SEPTIN5: variants seen among roughly 807,000 people sequenced by gnomAD.
The protein encoded by SEPTIN5 is septin 5, also known as septin-5.
In SEPTIN5, 16 loss-of-function variants were observed where a neutral mutation model predicts 51.2. That is an observed-to-expected ratio of 0.31 (90% CI 0.21 to 0.47). SEPTIN5 has a LOEUF of 0.47. Ranked by LOEUF, SEPTIN5 falls within the 20% of genes least tolerant of loss-of-function variation. SEPTIN5 has a pLI of 0.99. For missense variants in SEPTIN5, 376 were observed against 500.3 expected (o/e 0.75, Z 2.37); for synonymous variants, 208 against 191.2 (o/e 1.09, Z -0.72).
At position 19,714,689 on chromosome 22, in the gene SEPTIN5, C is replaced by T; in HGVS notation, c.43+58C>T. The T allele has an allele frequency of 6.5e-7, 1 of 1,526,816 alleles. No individual in the cohort carries two copies. The highest frequency in any genetic ancestry group is 1.4e-5 in the African/African-American group (1 of 70,992). 94.6% of individuals were successfully genotyped at this position (1,526,816 alleles called of 1,614,324 possible). On this transcript the variant is annotated intron_variant, in intron 1 of 11. Coordinates refer to ENST00000455784, the MANE Select transcript of SEPTIN5 (RefSeq NM_002688.6). This position sits in a 1 kb window ranked among gnomAD's most constrained non-coding sequence, Gnocchi z 5.2. ...CGCCTTTGTCCCCGCCGCCCGCGCG[C>T]CTCTCACCGTGTCTCTCCGTCTCTC...
At chr22:19,718,611 C>G in intron 2 of SEPTIN5, 8 of 1,248,510 alleles carry the variant, frequency 6.4e-6, no homozygotes, top group Non-Finnish European at 8.1e-6. Flanking sequence ...TTCCCGCGTC[C>G]GCAAAACGGG....
Position 19,714,936 on chromosome 22 carries a change from G to A in SEPTIN5, c.54+145G>A. ...GCGATCACCGATTGTCAGCCGGGCA[G>A]TGCCGCCGCGCCTGGGGCTTCAGAG... On this transcript the variant is annotated intron_variant, in intron 2 of 11. Transcript: ENST00000455784. This position sits in a 1 kb window ranked among gnomAD's most constrained non-coding sequence, Gnocchi z 5.2. 1 of 1,098,328 alleles carries A rather than the reference G, an allele frequency of 9.1e-7. No individual in the cohort carries two copies. Among genetic ancestry groups the A allele is most frequent in the Non-Finnish European group, 1.3e-6 (1 of 794,116 alleles). 68.0% of individuals were successfully genotyped at this position (1,098,328 alleles called of 1,614,324 possible). A position where few individuals can be genotyped will look rare whatever the true frequency, so the allele number is the denominator to read the frequency against.
chr22:19,716,695 C>T (rs1267535601), intron 2 of SEPTIN5, among the ~76,000 whole-genome samples: 1 of 152,222 alleles, frequency 6.6e-6, no homozygotes, highest in African/African-American at 2.4e-5. Context: ...GATTCTTGCC[C>T]TCCTGACCTG....
chr22:19,722,284 C>G lies in SEPTIN5; in HGVS notation c.998C>G (p.Pro333Arg). Residue 333 changes from proline to arginine, a missense_variant, in exon 11 of 12, where the codon CCG (proline) becomes CGG (arginine). Pro to Arg is a moderately radical substitution (Grantham distance 103). Coordinates refer to ENST00000455784, the MANE Select transcript of SEPTIN5 (RefSeq NM_002688.6). The part of the protein sequence containing the change: ...SRMESPIPIL[P>R]LPTPDAETEK... The stretch of plus-strand genomic sequence containing the variant: ...ATGGAGAGCCCCATCCCGATCCTGC[C>G]GCTGCCCACCCCGGACGCCGAGACT... 1 of 1,611,480 alleles carries G rather than the reference C, an allele frequency of 6.2e-7. No individual in the cohort carries two copies. Among genetic ancestry groups the G allele is most frequent in the Non-Finnish European group, 8.5e-7 (1 of 1,179,422 alleles).
chr22:19,719,974 G>C, intron 4 of SEPTIN5, 82 bp downstream of exon 4: 1 of 1,602,150 alleles, frequency 6.2e-7, no homozygotes, highest in South Asian at 1.1e-5. Flanking sequence ...TTCAGGTCCA[G>C]CTCCCACTGT....
chr22:19,721,583 T>G (rs549498348), intron 8 of SEPTIN5, 57 bp from the exon 9 acceptor site: 263 of 1,577,784 alleles, frequency 1.7e-4, no homozygotes, highest in Non-Finnish European at 2.2e-4. Context: ...CCGTTTCCCA[T>G]CAGTAACCGT....
At chr22:19,718,728 G>C in intron 2 of SEPTIN5, 1 of 1,245,280 alleles carries the variant, frequency 8.0e-7, no homozygotes, top group Non-Finnish European at 1.0e-6. Flanking sequence ...GGCCTGGGGG[G>C]GTCGCCGCGA....
At chr22:19,718,449 C>A in intron 2 of SEPTIN5, 1 of 1,111,656 alleles carries the variant, frequency 9.0e-7, no homozygotes, top group Non-Finnish European at 1.1e-6. Context: ...GCCTGCGACG[C>A]CCCGCCTCTG....
chr22:19,715,728 G>T (rs1334973273), intron 2 of SEPTIN5, among the ~76,000 whole-genome samples: 2 of 152,198 alleles, frequency 1.3e-5, no homozygotes, highest in Non-Finnish European at 2.9e-5. Context: ...CAGGGCAGGA[G>T]GGCGGGCAGG....
At chr22:19,716,265 G>A (rs1417028223) in intron 2 of SEPTIN5, among the ~76,000 whole-genome samples, 1 of 152,248 alleles carries the variant, frequency 6.6e-6, no homozygotes, top group Non-Finnish European at 1.5e-5. Context: ...TGGGTCTGGG[G>A]GAGCTGGAAG....
At position 19,722,892 on chromosome 22, in the gene SEPTIN5, C is replaced by T. The variant is rs75865121; in HGVS notation, c.*408C>T. On this transcript the variant is annotated 3_prime_UTR_variant, in exon 12 of 12. Transcript: ENST00000455784. ...CTTGGGAGCCCTCCTTTGCCTGCTC[C>T]CGCGGGTCACCCAGCGAGTGCTGAG... 2 of 448,586 alleles carry T rather than the reference C, an allele frequency of 4.5e-6. No homozygotes were observed. Among genetic ancestry groups the T allele is most frequent in the South Asian group, 2.1e-5 (1 of 47,148 alleles). 27.8% of individuals were successfully genotyped at this position (448,586 alleles called of 1,614,324 possible). A position where few individuals can be genotyped will look rare whatever the true frequency, so the allele number is the denominator to read the frequency against.
Position 19,722,701 on chromosome 22 carries a change from C to A in SEPTIN5, c.*217C>A. On this transcript the variant is annotated 3_prime_UTR_variant, in exon 12 of 12. Coordinates refer to ENST00000455784, the MANE Select transcript of SEPTIN5 (RefSeq NM_002688.6). ...CTCTCTGACCTTGGGGGATCAGGAG[C>A]GAAGTTGGGCGGGACTTCAGAGATC... 1.7e-6 allele frequency: 1 copy of A among 594,876 alleles called. No individual in the cohort carries two copies. Among genetic ancestry groups the A allele is most frequent in the Non-Finnish European group, 3.0e-6 (1 of 337,328 alleles). The allele number at this position is 594,876 out of a possible 1,614,324, so 36.8% of individuals were successfully genotyped here. A position where few individuals can be genotyped will look rare whatever the true frequency, so the allele number is the denominator to read the frequency against.
Position 19,720,883 on chromosome 22 carries a change from C to T in SEPTIN5, c.717+14C>T, listed in dbSNP as rs1452391588. 4 of 1,607,806 alleles carry T rather than the reference C, an allele frequency of 2.5e-6. No individual in the cohort carries two copies. The highest frequency in any genetic ancestry group is 3.4e-6 in the Non-Finnish European group (4 of 1,174,748). ...CGGGAACTGAAGGTGAACATGCAGA[C>T]TGGTGGGGCAGGGGGGATGGAGCTG... On this transcript the variant is annotated intron_variant, in intron 8 of 11. Coordinates refer to ENST00000455784, the MANE Select transcript of SEPTIN5 (RefSeq NM_002688.6).
intron 2 of SEPTIN5, chr22:19,718,517 G>A: frequency 7.9e-7 from 1 of 1,269,540 alleles, no homozygotes; most frequent in Non-Finnish European, 9.9e-7. Context: ...CTTGGGGCCA[G>A]TTCGCCCAGT....
chr22:19,722,563 A>G lies in SEPTIN5; in HGVS notation c.*79A>G. On this transcript the variant is annotated 3_prime_UTR_variant, in exon 12 of 12. Coordinates refer to ENST00000455784, the MANE Select transcript of SEPTIN5 (RefSeq NM_002688.6). ...CCAGACCGGACTGTTCCCGACCCGG[A>G]GACGCGGGGCCACAGCCCCCAGCTG... 3 of 1,447,026 alleles carry G rather than the reference A, an allele frequency of 2.1e-6. No individual in the cohort carries two copies. The highest frequency in any genetic ancestry group is 2.8e-6 in the Non-Finnish European group (3 of 1,057,142). 89.6% of individuals were successfully genotyped at this position (1,447,026 alleles called of 1,614,324 possible).
In SEPTIN5 at chr22:19,714,832, G is replaced by A. The variant is rs578196157; in HGVS notation, c.54+41G>A. On this transcript the variant is annotated intron_variant, in intron 2 of 11. Coordinates refer to ENST00000455784, the MANE Select transcript of SEPTIN5 (RefSeq NM_002688.6). This position sits in a 1 kb window ranked among gnomAD's most constrained non-coding sequence, Gnocchi z 5.2. ...CGCTCCCCCGCCGGGAGACCCGGCC[G>A]GCTGTCACCCATTGTGACACTAGCG... is the stretch of plus-strand genomic sequence containing the variant. The A allele has an allele frequency of 3.2e-6, 5 of 1,585,570 alleles. No homozygotes were observed. Among genetic ancestry groups the A allele is most frequent in the Non-Finnish European group, 4.3e-6 (5 of 1,172,876 alleles).
rs1345468787 is a variant in SEPTIN5 at position 19,719,716 on chromosome 22, C to T, written c.151+18C>T. The stretch of plus-strand genomic sequence containing the variant: ...GGTGGCTGGTGAGTGGGCCAGGCTC[C>T]TCGGGGGAGTGGCTGGGGTCACTGG... On this transcript the variant is annotated intron_variant, in intron 3 of 11. Transcript: ENST00000455784. 6.2e-7 allele frequency: 1 copy of T among 1,612,418 alleles called. No homozygotes were observed. Among genetic ancestry groups the T allele is most frequent in the Non-Finnish European group, 8.5e-7 (1 of 1,179,698 alleles).
At chr22:19,720,690 CCT>C (rs2145790735) in intron 7 of SEPTIN5, 24 bp downstream of exon 7, 2 of 1,612,496 alleles carry the variant, frequency 1.2e-6, no homozygotes, top group Non-Finnish European at 1.7e-6. Flanking sequence ...CGCACAGGGG[CCT>C]GGCCAGGGCC....
intron 2 of SEPTIN5, chr22:19,718,822 C>A: frequency 8.1e-7 from 1 of 1,237,164 alleles, no homozygotes; most frequent in Non-Finnish European, 1.0e-6. Context: ...GCTCAAGGTG[C>A]GTGTGTGGAG....
Sources: allele counts gnomAD v4.1 joint callset (sites outside exome capture counted in the v4.1 genomes callset), GRCh38; gene constraint gnomAD v4.1.1; non-coding constraint Gnocchi (gnomAD v3.1); transcripts MANE v1.5; gene names NCBI Gene and HGNC (gene_info 2026-07-23, HGNC 2026-07-21).